SYT17: variants seen among roughly 807,000 people sequenced by gnomAD.
SYT17 encodes synaptotagmin-17.
A neutral mutation model predicts 46.7 loss-of-function variants in SYT17; 22 were observed. The ratio of observed to expected loss-of-function variants is 0.47; its 90% CI spans 0.34 to 0.67. The LOEUF is 0.67. Ranked by LOEUF, SYT17 falls within the 30% of genes least tolerant of loss-of-function variation. The probability of loss-of-function intolerance (pLI) is 0.01; values close to 1 mark genes in which losing one functional copy is unlikely to be tolerated. For synonymous variants in SYT17, 251 were observed against 248.4 expected, an observed-to-expected ratio of 1.01 and a Z score of -0.10; for missense variants, 519 against 612.8, an observed-to-expected ratio of 0.85 and a Z score of 1.62.
At chr16:19,222,606 C>A (rs1056516060) in intron 5 of SYT17, among the ~76,000 whole-genome samples, 13 of 152,138 alleles carry the variant, frequency 8.5e-5, no homozygotes, top group South Asian at 2.1e-4. Context: ...GTATCTGGAA[C>A]CAAATCAGCC....
In SYT17 at chr16:19,229,819, C is replaced by T. The variant is rs187170689; in HGVS notation, c.1228+4981C>T. ...AGGTGGAAGCAACCTGAACATGCAT[C>T]GACAGATAAATGGGTAAACAAAGTG... On this transcript the variant is annotated intron_variant, in intron 7 of 7. Transcript: ENST00000355377. Among the ~76,000 whole-genome samples, 310 of 152,178 alleles carry T rather than the reference C, an allele frequency of 2.0e-3. 1 individual carries two copies. Among genetic ancestry groups the T allele is most frequent in the Non-Finnish European group, 2.9e-3 (197 of 68,016 alleles).
intron 5 of SYT17, among the ~76,000 whole-genome samples, chr16:19,203,310 G>A (rs1423995544): frequency 2.0e-5 from 3 of 147,466 alleles, no homozygotes; most frequent in Non-Finnish European, 4.5e-5. Flanking sequence ...AGCCAACATG[G>A]TGAAACCCCG....
At chr16:19,263,037 C>CTTT (rs11376928) in intron 7 of SYT17, among the ~76,000 whole-genome samples, 23 of 145,750 alleles carry the variant, frequency 1.6e-4, no homozygotes, top group South Asian at 4.4e-4. Flanking sequence ...GTCAGATAAT[C>CTTT]TTTTTTTTTT....
intron 7 of SYT17, among the ~76,000 whole-genome samples, chr16:19,248,952 A>C (rs926163936): frequency 3.3e-5 from 5 of 152,174 alleles, no homozygotes; most frequent in Non-Finnish European, 7.3e-5. Context: ...GTGTGACTCC[A>C]TTTATATGGA....
chr16:19,234,721 G>A (rs1246794713), intron 7 of SYT17, among the ~76,000 whole-genome samples: 1 of 152,190 alleles, frequency 6.6e-6, no homozygotes. Context: ...GTAAAGTGTA[G>A]CAATCATTCT....
chr16:19,232,451 G>A (rs111448405), intron 7 of SYT17, among the ~76,000 whole-genome samples: 1 of 152,118 alleles, frequency 6.6e-6, no homozygotes, highest in Non-Finnish European at 1.5e-5. Context: ...GATGCTGTGG[G>A]GCTGCAGACC....
intron 1 of SYT17, chr16:19,171,771 A>C (rs570806109): frequency 2.7e-4 from 41 of 152,362 alleles, no homozygotes; most frequent in African/African-American, 9.9e-4. Context: ...GGCAACTAGA[A>C]GAATAAACCC....
intron 7 of SYT17, among the ~76,000 whole-genome samples, chr16:19,238,168 T>C (rs986062222): frequency 6.6e-6 from 1 of 152,186 alleles, no homozygotes; most frequent in African/African-American, 2.4e-5. Context: ...CAGCAGAACA[T>C]GCTGATGGAT....
At chr16:19,233,462 GGCACATAGCATAAT>G in intron 7 of SYT17, among the ~76,000 whole-genome samples, 1 of 151,534 alleles carries the variant, frequency 6.6e-6, no homozygotes, top group East Asian at 2.0e-4. Context: ...GAGCAGCCTG[GGCACATAGCATAAT>G]CCCATTTCTA....
At chr16:19,181,999 CAAAAA>C (rs371941934) in intron 4 of SYT17, among the ~76,000 whole-genome samples, 2 of 81,928 alleles carry the variant, frequency 2.4e-5, no homozygotes, top group African/African-American at 4.3e-5. Flanking sequence ...AACTCTGTCT[CAAAAA>C]AAAAAAAAAA....
intron 7 of SYT17, among the ~76,000 whole-genome samples, chr16:19,243,371 T>C (rs1221094858): frequency 2.0e-5 from 3 of 152,186 alleles, no homozygotes; most frequent in Non-Finnish European, 2.9e-5. Flanking sequence ...GGGATCTTAT[T>C]CTGCTTAATT....
intron 4 of SYT17, among the ~76,000 whole-genome samples, chr16:19,181,601 C>T (rs1964558947): frequency 6.6e-6 from 1 of 152,004 alleles, no homozygotes. Flanking sequence ...GTATAACAAT[C>T]ACTAGACACA....
At chr16:19,251,650 C>T (rs1233165596) in intron 7 of SYT17, among the ~76,000 whole-genome samples, 1 of 152,120 alleles carries the variant, frequency 6.6e-6, no homozygotes, top group East Asian at 1.9e-4. Context: ...TTCCTCTTCC[C>T]AGGGGAGGAA....
chr16:19,226,722 C>T (rs1966510003), intron 7 of SYT17, among the ~76,000 whole-genome samples: 1 of 152,210 alleles, frequency 6.6e-6, no homozygotes, highest in South Asian at 2.1e-4. Context: ...GGTAGTGGGG[C>T]CTATTGTATA....
intron 7 of SYT17, among the ~76,000 whole-genome samples, chr16:19,242,177 A>T (rs1361533907): frequency 6.6e-6 from 1 of 152,188 alleles, no homozygotes; most frequent in Non-Finnish European, 1.5e-5. Flanking sequence ...AAACAGAAAA[A>T]ATCCATCCTT....
At chr16:19,181,329 C>T (rs1964547827) in intron 4 of SYT17, among the ~76,000 whole-genome samples, 1 of 152,178 alleles carries the variant, frequency 6.6e-6, no homozygotes, top group African/African-American at 2.4e-5. Flanking sequence ...TCCTTCTGCT[C>T]CACAAAAGTA....
intron 7 of SYT17, among the ~76,000 whole-genome samples, chr16:19,236,746 T>C (rs1966854123): frequency 6.6e-6 from 1 of 152,146 alleles, no homozygotes; most frequent in African/African-American, 2.4e-5. Context: ...TTACCTCTAC[T>C]CAGTCACTGT....
At chr16:19,266,028 C>T (rs552054961) in intron 7 of SYT17, among the ~76,000 whole-genome samples, 106 of 152,342 alleles carry the variant, frequency 7.0e-4, no homozygotes, top group African/African-American at 2.5e-3. Context: ...CTCTTACCAC[C>T]TGCTTGGCAC....
At chr16:19,241,468 C>T (rs1175763253) in intron 7 of SYT17, among the ~76,000 whole-genome samples, 2 of 152,166 alleles carry the variant, frequency 1.3e-5, no homozygotes, top group African/African-American at 2.4e-5. Flanking sequence ...GCAGGGCTCC[C>T]GCTTGTGACT....
Sources: allele counts gnomAD v4.1 joint callset (sites outside exome capture counted in the v4.1 genomes callset), GRCh38; gene constraint gnomAD v4.1.1; transcripts MANE v1.5; gene names NCBI Gene and HGNC (gene_info 2026-07-23, HGNC 2026-07-21).